STK26: variants seen among roughly 807,000 people sequenced by gnomAD.
STK26 encodes the protein serine/threonine-protein kinase 26.
A neutral mutation model predicts 34.7 loss-of-function variants in STK26; 14 were observed. That is an observed-to-expected ratio of 0.40 (90% CI 0.27 to 0.63). The LOEUF (loss-of-function observed/expected upper bound fraction) is 0.63. Ranked by LOEUF, STK26 falls within the 30% of genes least tolerant of loss-of-function variation. The pLI, the probability that STK26 is intolerant of heterozygous loss-of-function variation, is 0.38. For missense variants in STK26, 226 were observed against 309.1 expected (o/e 0.73, Z 2.02); for synonymous variants, 100 against 109.8 (o/e 0.91, Z 0.56).
chrX:132,056,060 G>C (rs909101795), intron 3 of STK26, among the ~76,000 whole-genome samples: 3 of 111,927 alleles, frequency 2.7e-5, no homozygotes, highest in African/African-American at 9.8e-5. Context: ...TTGTTTTCCT[G>C]ATTTCACTTG....
rs1482770448 is a variant in STK26 at position 132,023,678 on chromosome X, C to T, written c.42+19C>T. On this transcript the variant is annotated intron_variant, in intron 2 of 11. Transcript: ENST00000394334. ...GATGCAGGTGAGGAAGCGCAGGCCG[C>T]CCCCGCCGCCCACGTGACTGCTTGG... The T allele has an allele frequency of 8.5e-7, 1 of 1,173,271 alleles. No homozygotes were observed. The highest frequency in any genetic ancestry group is 2.5e-5 in the Admixed American group (1 of 40,594).
intron 2 of STK26, among the ~76,000 whole-genome samples, chrX:132,024,464 T>C (rs1453560660): frequency 8.9e-6 from 1 of 112,082 alleles, no homozygotes; most frequent in African/African-American, 3.3e-5. Context: ...AAACTTTTTA[T>C]GCTGTTATGT....
intron 2 of STK26, among the ~76,000 whole-genome samples, chrX:132,030,544 A>G (rs1925793134): frequency 8.9e-6 from 1 of 111,915 alleles, no homozygotes; most frequent in Non-Finnish European, 1.9e-5. Context: ...TTACTTCTCC[A>G]TGGATATTCA....
intron 11 of STK26, among the ~76,000 whole-genome samples, chrX:132,073,808 CAA>C (rs1927503873): frequency 9.0e-6 from 1 of 111,230 alleles, no homozygotes; most frequent in African/African-American, 3.3e-5. Flanking sequence ...CGAGATGGAA[CAA>C]ACTCTGTGAC....
intron 2 of STK26, among the ~76,000 whole-genome samples, chrX:132,038,338 C>T (rs1160883431): frequency 6.3e-5 from 7 of 111,037 alleles, no homozygotes; most frequent in Admixed American, 4.8e-4. Context: ...TTTCTTGTTG[C>T]GTGTGAGTTT....
rs778374645 is a variant in STK26, at chrX:132,044,106, A to T, written c.43-10525A>T. The stretch of plus-strand genomic sequence containing the variant: ...AAGATAATCACATGCCAAAGATTTC[A>T]TTTTAGGAGGGACCCCAGGTAAATA... On this transcript the variant is annotated intron_variant, in intron 2 of 11. Coordinates refer to ENST00000394334, the MANE Select transcript of STK26 (RefSeq NM_016542.4). Among the ~76,000 whole-genome samples the T allele has an allele frequency of 2.7e-5, 3 of 111,767 alleles. No individual in the cohort carries two copies. The South Asian group carries it at 1.1e-3, about 42-fold the overall frequency.
intron 2 of STK26, among the ~76,000 whole-genome samples, chrX:132,040,430 T>C (rs755100406): frequency 8.9e-6 from 1 of 112,444 alleles, no homozygotes; most frequent in African/African-American, 3.2e-5. Context: ...GGCAGATATG[T>C]TTCTGTTTGC....
At chrX:132,048,785 G>A (rs964711387) in intron 2 of STK26, among the ~76,000 whole-genome samples, 2 of 111,268 alleles carry the variant, frequency 1.8e-5, no homozygotes, top group East Asian at 5.7e-4. Context: ...GTTGCTGATG[G>A]TGATGATAAA....
intron 2 of STK26, among the ~76,000 whole-genome samples, chrX:132,045,700 C>T (rs1273040585): frequency 8.9e-6 from 1 of 111,859 alleles, no homozygotes; most frequent in African/African-American, 3.2e-5. Context: ...TGATGATAGC[C>T]TTGACTTTCG....
intron 2 of STK26, among the ~76,000 whole-genome samples, chrX:132,048,775 G>A (rs1237547183): frequency 9.0e-6 from 1 of 111,275 alleles, no homozygotes; most frequent in Non-Finnish European, 1.9e-5. Context: ...ATAAATGCTT[G>A]TTGCTGATGG....
intron 2 of STK26, among the ~76,000 whole-genome samples, chrX:132,027,881 G>A (rs1421207813): frequency 9.3e-6 from 1 of 107,777 alleles, no homozygotes; most frequent in Non-Finnish European, 1.9e-5. Flanking sequence ...TTTGAGACAC[G>A]GTCTCACTCT....
rs1927126070 is a variant in STK26, at chrX:132,063,557, A to G, written c.330+68A>G. On this transcript the variant is annotated intron_variant, in intron 4 of 11. Coordinates refer to ENST00000394334, the MANE Select transcript of STK26 (RefSeq NM_016542.4). ...ATATGCACATACCTTAATTTTTTAA[A>G]TTGAAGATTAATGGCTTTTGAGCAC... 6.9e-6 allele frequency: 7 copies of G among 1,021,646 alleles called. No homozygotes were observed. In the South Asian group the frequency reaches 1.3e-4, roughly 19 times the overall value. 84.2% of individuals were successfully genotyped at this position (1,021,646 alleles called of 1,213,427 possible). A position where few individuals can be genotyped will look rare whatever the true frequency, so the allele number is the denominator to read the frequency against.
At position 132,075,710 on chromosome X, in the gene STK26, G is replaced by A. The variant is rs1927577858; in HGVS notation, c.*1551G>A. ...ACACAATTACAGTTTATAATCATCT[G>A]TAGAAGTCTGGAGATAATTTTGCAA... On this transcript the variant is annotated 3_prime_UTR_variant, in exon 12 of 12. Coordinates refer to ENST00000394334, the MANE Select transcript of STK26 (RefSeq NM_016542.4). 9.0e-6 allele frequency: 1 copy of A among 111,695 alleles called. No individual in the cohort carries two copies. The highest frequency in any genetic ancestry group is 1.9e-5 in the Non-Finnish European group (1 of 52,927). The allele number at this position is 111,695 out of a possible 1,213,427, so 9.2% of individuals were successfully genotyped here. A position where few individuals can be genotyped will look rare whatever the true frequency, so the allele number is the denominator to read the frequency against.
chrX:132,059,071 T>C (rs918210845), intron 3 of STK26, among the ~76,000 whole-genome samples: 1 of 112,008 alleles, frequency 8.9e-6, no homozygotes, highest in South Asian at 3.7e-4. Flanking sequence ...CTGTGTGGGT[T>C]TGTATTTTTT....
intron 6 of STK26, among the ~76,000 whole-genome samples, chrX:132,069,175 C>T (rs1337457714): frequency 9.3e-6 from 1 of 107,297 alleles, no homozygotes; most frequent in Non-Finnish European, 1.9e-5. Flanking sequence ...AATGTAAACC[C>T]CTTAAGAGCA....
chrX:132,069,217 A>G (rs1443447344), intron 6 of STK26, among the ~76,000 whole-genome samples: 1 of 106,779 alleles, frequency 9.4e-6, no homozygotes, highest in Non-Finnish European at 1.9e-5. Flanking sequence ...CACTACTGAA[A>G]TCCTCCATTC....
At chrX:132,030,838 T>A (rs184841557) in intron 2 of STK26, among the ~76,000 whole-genome samples, 7 of 112,239 alleles carry the variant, frequency 6.2e-5, no homozygotes, top group Non-Finnish European at 1.3e-4. Context: ...TAACTCATTT[T>A]AAAAAAATCA....
intron 8 of STK26, among the ~76,000 whole-genome samples, 196 bp from the exon 9 acceptor site, chrX:132,072,072 A>G (rs1166357922): frequency 9.0e-6 from 1 of 111,535 alleles, no homozygotes; most frequent in Admixed American, 9.6e-5. Context: ...GCACACACAG[A>G]GTTGAGAACC....
At chrX:132,068,166 C>T (rs764867149) in intron 4 of STK26, 49 bp from the exon 5 acceptor site, 1 of 1,017,152 alleles carries the variant, frequency 9.8e-7, no homozygotes, top group South Asian at 2.4e-5. Context: ...TTTTATGTTT[C>T]CAAACTTTTA....
Sources: gnomAD v4.1 joint callset for allele counts (sites outside exome capture counted in the v4.1 genomes callset) on GRCh38, gnomAD v4.1.1 for gene constraint, MANE v1.5 for transcripts, NCBI Gene and HGNC (gene_info 2026-07-23, HGNC 2026-07-21) for gene names.